Variants in MUC4 observed in about 807,000 individuals in gnomAD.
MUC4 encodes the protein mucin-4.
MUC4 carries 202 observed loss-of-function variants against 257.9 expected under a neutral mutation model. The observed-to-expected ratio is 0.78, with a 90% CI of 0.70 to 0.88. The LOEUF is 0.88. Among genes scored for constraint, MUC4 ranks in the 40% least tolerant of loss-of-function variants. The pLI is 0.00. For synonymous variants in MUC4, 2,351 were observed against 2,757.1 expected, an observed-to-expected ratio of 0.85 and a Z score of 4.62; for missense variants, 5,976 against 6,513.7, an observed-to-expected ratio of 0.92 and a Z score of 2.84.
At chr3:195,797,955 T>TA (rs1560413540) in intron 1 of MUC4, among the ~76,000 whole-genome samples, 1 of 151,306 alleles carries the variant, frequency 6.6e-6, no homozygotes, top group South Asian at 2.1e-4. Context: ...AAATAAAAAA[T>TA]AAAAAAATAA....
At chr3:195,765,473 A>AG (rs1352312453) in intron 8 of MUC4, 24 bp from the exon 9 acceptor site, 1 of 1,604,348 alleles carries the variant, frequency 6.2e-7, no homozygotes, top group African/African-American at 1.3e-5. Context: ...TGGGGGGGAA[A>AG]GGGCTTATCC....
At chr3:195,758,573 C>CTTTTTTTTTTTTTTTTTTTTTTTTTT (rs55860315) in intron 17 of MUC4, among the ~76,000 whole-genome samples, 1 of 126,478 alleles carries the variant, frequency 7.9e-6, no homozygotes, top group African/African-American at 3.1e-5. Context: ...ATCTTCAAAT[C>CTTTTTTTTTTTTTTTTTTTTTTTTTT]TTTTTTTTGA....
rs777176164 is a variant in MUC4 at position 195,789,965 on chromosome 3, T to C, written c.1615A>G (p.Ile539Val). Reference protein sequence around the residue: ...IPRVPSKVSAIGEPGEPTTYS... With the variant: ...IPRVPSKVSAVGEPGEPTTYS... Reference sequence around the variant, plus strand: ...GTGGTGGGCTCTCCTGGTTCCCCTATTGCTGAGACCTTAGAGGGGACCCTT... The same window carrying C: ...GTGGTGGGCTCTCCTGGTTCCCCTACTGCTGAGACCTTAGAGGGGACCCTT... Residue 539 changes from isoleucine (I) to valine (V), a missense_variant, in exon 2 of 25, where the codon ATA becomes GTA. Ile to Val is a conservative substitution (Grantham distance 29, BLOSUM62 3). Coordinates refer to ENST00000463781, the MANE Select transcript of MUC4 (RefSeq NM_018406.7). 6.2e-7 allele frequency: 1 copy of C among 1,614,008 alleles called. No homozygotes were observed. The highest frequency in any genetic ancestry group is 8.5e-7 in the Non-Finnish European group (1 of 1,179,886).
At position 195,787,827 on chromosome 3, in the gene MUC4, G is replaced by C; in HGVS notation, c.3753C>G (p.Val1251=). 1 of 545,538 alleles carries C rather than the reference G, an allele frequency of 1.8e-6. No individual in the cohort carries two copies. Among genetic ancestry groups the C allele is most frequent in the Non-Finnish European group, 2.8e-6 (1 of 352,906 alleles). 33.8% of individuals were successfully genotyped at this position (545,538 alleles called of 1,614,324 possible). The change falls in exon 2 of 25, where the codon GTC becomes GTG. Residue 1251 remains valine (V), a synonymous_variant. Coordinates refer to ENST00000463781, the MANE Select transcript of MUC4 (RefSeq NM_018406.7). ...CTGTGGATGCTGAGGAAGTGTCGGT[G>C]ACAGGAAGAGGGGTGGTGTGACCTG... The part of the protein sequence containing the change: ...ASTGHTTPLP[V]TDTSSASTGQ...
rs772232962 is a variant in MUC4, at chr3:195,778,350, A to C, written c.12896T>G (p.Met4299Arg). The C allele has an allele frequency of 4.3e-6, 7 of 1,612,704 alleles. No individual in the cohort carries two copies. The highest frequency in any genetic ancestry group is 5.9e-6 in the Non-Finnish European group (7 of 1,179,854). Residue 4299 changes from methionine to arginine, a missense_variant, in exon 3 of 25, where the codon ATG (methionine) becomes AGG (arginine). Transcript: ENST00000463781. ...TIISTIPSTA[M>R]HTRSTAAPIP... ...GGGGGCAGCTGTGGAGCGGGTGTGC[A>C]TGGCAGTGCTGGGAATGGTGGAAAT...
At chr3:195,795,748 G>T (rs1046219602) in intron 1 of MUC4, among the ~76,000 whole-genome samples, 6 of 149,240 alleles carry the variant, frequency 4.0e-5, no homozygotes, top group Non-Finnish European at 5.9e-5. Context: ...TAACAGACCA[G>T]AACTCACTAT....
At chr3:195,747,524 G>A (rs1257829915) in intron 24 of MUC4, 144 bp from the exon 25 acceptor site, 11 of 1,016,260 alleles carry the variant, frequency 1.1e-5, no homozygotes, top group South Asian at 3.2e-5. Flanking sequence ...CCCTGAGGCC[G>A]TGCTGAAGTG....
At chr3:195,751,317 G>A (rs2291650) in intron 21 of MUC4, 46 bp from the exon 22 acceptor site, 275,571 of 1,429,496 alleles carry the variant, frequency 0.19, 27,222 homozygotes, top group Middle Eastern at 0.22. Context: ...GGCCCCATCC[G>A]GGGGGGAGAC....
intron 8 of MUC4, among the ~76,000 whole-genome samples, chr3:195,766,458 G>A (rs1720513881): frequency 6.6e-6 from 1 of 152,126 alleles, no homozygotes; most frequent in South Asian, 2.1e-4. Flanking sequence ...AGACTGTGCT[G>A]TGTCCAGGGG....
Position 195,779,277 on chromosome 3 carries a change from G to A in MUC4, c.12303C>T (p.Ser4101=), listed in dbSNP as rs562356729. 7.4e-7 allele frequency: 1 copy of A among 1,344,662 alleles called. No homozygotes were observed. Among genetic ancestry groups the A allele is most frequent in the Non-Finnish European group, 9.9e-7 (1 of 1,006,176 alleles). 83.3% of individuals were successfully genotyped at this position (1,344,662 alleles called of 1,614,324 possible). Residue 4101 remains serine (S), a synonymous_variant, in exon 2 of 25, where the codon AGC becomes AGT. Transcript: ENST00000463781. The part of the protein sequence containing the change: ...TGHATPLPLT[S]LSSVSTGDTT... ...TGTCACCTGTGGATACTGAGGAAAGGCTGGTGAGAGGAAGAGGGGTGGCGT... is the reference window on the plus strand; with the variant it reads ...TGTCACCTGTGGATACTGAGGAAAGACTGGTGAGAGGAAGAGGGGTGGCGT...
At chr3:195,807,426 C>T (rs928057069) in intron 1 of MUC4, among the ~76,000 whole-genome samples, 2 of 152,110 alleles carry the variant, frequency 1.3e-5, no homozygotes, top group African/African-American at 2.4e-5. Context: ...TGAGACCACG[C>T]CACTGCACTG....
chr3:195,788,535 G>A lies in MUC4; in HGVS notation c.3045C>T (p.Ser1015=). ...HATPLPVTSP[S]SVSTGHTTPL... ...GGGTGGTGTGACCTGTGGATACTGA[G>A]GAAGGGCTGGTGACAGGAAGAGGGG... is the stretch of plus-strand genomic sequence containing the variant. Residue 1015 remains serine (S), a synonymous_variant, in exon 2 of 25, where the codon TCC becomes TCT. Coordinates refer to ENST00000463781, the MANE Select transcript of MUC4 (RefSeq NM_018406.7). 2.0e-6 allele frequency: 3 copies of A among 1,470,932 alleles called. No individual in the cohort carries two copies. The East Asian group carries it at 7.6e-5, about 37-fold the overall frequency. 91.1% of individuals were successfully genotyped at this position (1,470,932 alleles called of 1,614,324 possible). A position where few individuals can be genotyped will look rare whatever the true frequency, so the allele number is the denominator to read the frequency against.
rs1228668710 is a variant in MUC4 at position 195,783,509 on chromosome 3, C to T, written c.8071G>A (p.Val2691Ile). The T allele has an allele frequency of 3.4e-3, 2,849 of 847,166 alleles. 75 individuals carry two copies. Among genetic ancestry groups the T allele is most frequent in the South Asian group, 0.014 (784 of 54,758 alleles). 52.5% of individuals were successfully genotyped at this position (847,166 alleles called of 1,614,324 possible). Residue 2691 changes from valine (V) to isoleucine (I), a missense_variant, in exon 2 of 25, where the codon GTC becomes ATC. By Grantham distance (29) the Val-to-Ile change is conservative. This residue lies in a region of MUC4 where 75 missense variants were observed against 58.7 expected (regional missense o/e 1.28). Transcript: ENST00000463781. ...ASTGHATSLP[V>I]TDTSSASTGD... The stretch of plus-strand genomic sequence containing the variant: ...GTGGATGCTGAGGAAGTGTCGGTGA[C>T]AGGAAGAGAGGTGGCATGACCGGTG...
In MUC4 at chr3:195,783,501, G is replaced by C. The variant is rs762099772; in HGVS notation, c.8079C>G (p.Asp2693Glu). 943 of 975,808 alleles carry C rather than the reference G, an allele frequency of 9.7e-4. 72 individuals are homozygous for C. The African/African-American group carries it at 0.042, about 43-fold the overall frequency. The allele number at this position is 975,808 out of a possible 1,614,324, so 60.4% of individuals were successfully genotyped here. A position where few individuals can be genotyped will look rare whatever the true frequency, so the allele number is the denominator to read the frequency against. The change falls in exon 2 of 25, where the codon GAC becomes GAG. Residue 2693 changes from aspartate (D) to glutamate (E), a missense_variant. Asp to Glu is a conservative substitution (Grantham distance 45). Coordinates refer to ENST00000463781, the MANE Select transcript of MUC4 (RefSeq NM_018406.7). ...TGTCACCTGTGGATGCTGAGGAAGT[G>C]TCGGTGACAGGAAGAGAGGTGGCAT... ...TGHATSLPVT[D>E]TSSASTGDTT...
chr3:195,783,318 AGG>A lies in MUC4; in HGVS notation c.8260_8261del (p.Pro2754CysfsTer155). Reference sequence around the variant, plus strand: ...TGGATGCTGAGGAAGTGTCGGTGACAGGAAGAGGGGTGGTGTCACCTGTGGAT... The same window carrying A: ...TGGATGCTGAGGAAGTGTCGGTGACAAAGAGGGGTGGTGTCACCTGTGGAT... ...SVSTGDTTPL[P>X]VTDTSSASTG... On this transcript the variant is annotated frameshift_variant, in exon 2 of 25. Transcript: ENST00000463781. LOFTEE classifies it high-confidence loss of function. 1 of 1,474,278 alleles carries A rather than the reference AGG, an allele frequency of 6.8e-7. No individual in the cohort carries two copies. The highest frequency in any genetic ancestry group is 9.1e-7 in the Non-Finnish European group (1 of 1,096,916). 91.3% of individuals were successfully genotyped at this position (1,474,278 alleles called of 1,614,324 possible).
rs574013959 is a variant in MUC4 at position 195,764,798 on chromosome 3, A to AG, written c.13924+198dup. Among the ~76,000 whole-genome samples the AG allele has an allele frequency of 3.7e-4, 56 of 152,204 alleles. 1 individual carries two copies. Among genetic ancestry groups the AG allele is most frequent in the Admixed American group, 7.2e-4 (11 of 15,296 alleles). Reference sequence around the variant, plus strand: ...CCTGGGGATGTGGAGCCAGGTATAGAGATGAGGAAAGAGGCTCTCAGCTCA... The same window carrying AG: ...CCTGGGGATGTGGAGCCAGGTATAGAGGATGAGGAAAGAGGCTCTCAGCTCA... On this transcript the variant is annotated intron_variant, in intron 10 of 24. Transcript: ENST00000463781.
chr3:195,767,600 T>C (rs1343367515), intron 7 of MUC4, among the ~76,000 whole-genome samples: 77 of 45,312 alleles, frequency 1.7e-3, no homozygotes, highest in South Asian at 2.8e-3. Flanking sequence ...ACCACCACCA[T>C]CATCACCATT....
rs372931109 is a variant in MUC4 at position 195,778,896 on chromosome 3, G to A, written c.12684C>T (p.Thr4228=). 1.6e-5 allele frequency: 25 copies of A among 1,569,744 alleles called. No homozygotes were observed. In the African/African-American group the frequency reaches 2.2e-4, roughly 14 times the overall value. ...GACCTGTGGATACTGAGGAAAGGCT[G>A]GTGACAGGAAGAGGGGTGGCGTGAC... The part of the protein sequence containing the change: ...STGHATPLPV[T]SLSSVSTGHA... Residue 4228 remains threonine (T), a synonymous_variant, in exon 2 of 25, where the codon ACC becomes ACT. Coordinates refer to ENST00000463781, the MANE Select transcript of MUC4 (RefSeq NM_018406.7).
intron 1 of MUC4, among the ~76,000 whole-genome samples, chr3:195,800,005 C>A (rs1044392332): frequency 1.3e-5 from 2 of 152,124 alleles, no homozygotes; most frequent in African/African-American, 4.8e-5. Flanking sequence ...CGGCCAGGTG[C>A]GGTGCCTCAC....
Sources: allele counts gnomAD v4.1 joint callset (sites outside exome capture counted in the v4.1 genomes callset), GRCh38; gene constraint gnomAD v4.1.1; regional missense constraint gnomAD v4.1.1; transcripts MANE v1.5; gene names NCBI Gene and HGNC (gene_info 2026-07-23, HGNC 2026-07-21).